FRY: variants seen among roughly 807,000 people sequenced by gnomAD.
The protein encoded by FRY is protein furry homolog.
A neutral mutation model predicts 348.4 loss-of-function variants in FRY; 128 were observed. That is an observed-to-expected ratio of 0.37 (90% CI 0.32 to 0.43). FRY has a LOEUF of 0.43. Among genes scored for constraint, FRY ranks in the 20% least tolerant of loss-of-function variants. The probability of loss-of-function intolerance (pLI) is 1.00; values close to 1 mark genes in which losing one functional copy is unlikely to be tolerated. For synonymous variants in FRY, 1,370 were observed against 1,374.7 expected, an observed-to-expected ratio of 1.00 and a Z score of 0.08; for missense variants, 2,736 against 3,695.2, an observed-to-expected ratio of 0.74 and a Z score of 6.73.
In FRY at chr13:32,295,571, C is replaced by T; in HGVS notation, c.*111C>T. 9.8e-7 allele frequency: 1 copy of T among 1,020,460 alleles called. No homozygotes were observed. The highest frequency in any genetic ancestry group is 1.5e-6 in the Non-Finnish European group (1 of 661,604). 63.2% of individuals were successfully genotyped at this position (1,020,460 alleles called of 1,614,324 possible). On this transcript the variant is annotated 3_prime_UTR_variant, in exon 61 of 61. Coordinates refer to ENST00000542859, the MANE Select transcript of FRY (RefSeq NM_023037.3). ...AAGGCTTGGACAGACTGTTCTCCCT[C>T]TTGTTACCTGTAGGGCTTTTTCTAA...
rs138436726 is a variant in FRY at position 32,243,023 on chromosome 13, T to G, written c.6688-1019T>G. Among the ~76,000 whole-genome samples, 314 of 152,328 alleles carry G rather than the reference T, an allele frequency of 2.1e-3. 1 individual carries two copies. Among genetic ancestry groups the G allele is most frequent in the African/African-American group, 7.3e-3 (303 of 41,574 alleles). Reference sequence around the variant, plus strand: ...TTATGATTATAAAAGCAGTATATATTCATAACAAAATTTGGAAGTTGCAGG... The same window carrying G: ...TTATGATTATAAAAGCAGTATATATGCATAACAAAATTTGGAAGTTGCAGG... On this transcript the variant is annotated intron_variant, in intron 46 of 60. Coordinates refer to ENST00000542859, the MANE Select transcript of FRY (RefSeq NM_023037.3).
rs192286593 is a variant in FRY, at chr13:32,246,096, C to T, written c.6829-1227C>T. Among the ~76,000 whole-genome samples the T allele has an allele frequency of 2.3e-3, 354 of 152,322 alleles. 2 individuals carry two copies. Among genetic ancestry groups the T allele is most frequent in the African/African-American group, 8.2e-3 (342 of 41,572 alleles). On this transcript the variant is annotated intron_variant, in intron 47 of 60. Coordinates refer to ENST00000542859, the MANE Select transcript of FRY (RefSeq NM_023037.3). Reference sequence around the variant, plus strand: ...CAGGTGGTCAGTTGACACCTTTCTACGAATGTGTGCCCCATTTTGTTGTTT... The same window carrying T: ...CAGGTGGTCAGTTGACACCTTTCTATGAATGTGTGCCCCATTTTGTTGTTT...
At chr13:32,117,258 T>C (rs1308625452) in intron 3 of FRY, 76 bp from the exon 4 acceptor site, 12 of 1,341,826 alleles carry the variant, frequency 8.9e-6, no homozygotes, top group Non-Finnish European at 1.3e-5. Flanking sequence ...GTGCTTGGGG[T>C]TACTTGTGAA....
intron 29 of FRY, among the ~76,000 whole-genome samples, chr13:32,201,214 T>G (rs1884006739): frequency 6.6e-6 from 1 of 152,260 alleles, no homozygotes; most frequent in Admixed American, 6.5e-5. Context: ...TTCAAAATGC[T>G]GTCCTCTCTA....
intron 54 of FRY, among the ~76,000 whole-genome samples, chr13:32,266,903 G>C (rs144186438): frequency 1.3e-5 from 2 of 152,194 alleles, no homozygotes; most frequent in African/African-American, 4.8e-5. Context: ...AGAATTGCTT[G>C]AACCCACGAG....
chr13:32,202,146 C>A, intron 30 of FRY, 106 bp downstream of exon 30: 1 of 839,712 alleles, frequency 1.2e-6, no homozygotes, highest in Non-Finnish European at 2.1e-6. Flanking sequence ...TTGTTTATTT[C>A]TGCATATCAT....
intron 2 of FRY, among the ~76,000 whole-genome samples, chr13:32,083,401 A>G (rs1224206130): frequency 6.6e-6 from 1 of 152,054 alleles, no homozygotes; most frequent in Non-Finnish European, 1.5e-5. Flanking sequence ...TTGTTCTGTT[A>G]TAACACTACT....
At chr13:32,082,887 A>G (rs1294761296) in intron 2 of FRY, among the ~76,000 whole-genome samples, 2 of 151,762 alleles carry the variant, frequency 1.3e-5, no homozygotes, top group Admixed American at 6.6e-5. Flanking sequence ...TGTCTTTGGT[A>G]TTCTGAAGTT....
intron 47 of FRY, among the ~76,000 whole-genome samples, chr13:32,246,530 GA>G (rs1258955313): frequency 1.3e-5 from 2 of 152,236 alleles, no homozygotes; most frequent in Non-Finnish European, 2.9e-5. Context: ...CAGCCTGGGG[GA>G]GATGACCCTT....
chr13:32,247,515 G>A lies in FRY; in HGVS notation c.7008+13G>A. Reference sequence around the variant, plus strand: ...CGATATTTCGGAGGTACTTAGCTATGTTAACTATTTCTGTGAACTTTAGCA... The same window carrying A: ...CGATATTTCGGAGGTACTTAGCTATATTAACTATTTCTGTGAACTTTAGCA... On this transcript the variant is annotated intron_variant, in intron 48 of 60. Transcript: ENST00000542859. 1 of 1,598,710 alleles carries A rather than the reference G, an allele frequency of 6.3e-7. No homozygotes were observed. The highest frequency in any genetic ancestry group is 8.6e-7 in the Non-Finnish European group (1 of 1,165,896).
At chr13:32,286,246 G>T (rs1889044126) in intron 58 of FRY, among the ~76,000 whole-genome samples, 1 of 152,026 alleles carries the variant, frequency 6.6e-6, no homozygotes, top group Admixed American at 6.5e-5. Context: ...GATACTTTTT[G>T]AAAGAGCTTT....
intron 31 of FRY, among the ~76,000 whole-genome samples, chr13:32,208,463 A>C (rs1482945617): frequency 6.6e-6 from 1 of 152,218 alleles, no homozygotes. Context: ...TGAGGAGCAG[A>C]GATGTTAAGT....
At position 32,220,366 on chromosome 13, in the gene FRY, A is replaced by T. The variant is rs570066820; in HGVS notation, c.4765+1535A>T. 7.7e-4 allele frequency among the ~76,000 whole-genome samples: 117 copies of T among 152,346 alleles called. 1 individual carries two copies. The highest frequency in any genetic ancestry group is 2.4e-3 in the African/African-American group (98 of 41,588). On this transcript the variant is annotated intron_variant, in intron 36 of 60. Coordinates refer to ENST00000542859, the MANE Select transcript of FRY (RefSeq NM_023037.3). Reference sequence around the variant, plus strand: ...ATCCATATGTAATTATCATGCTCTAATGTAGGTTAAGTTTCAGCTATGTCC... The same window carrying T: ...ATCCATATGTAATTATCATGCTCTATTGTAGGTTAAGTTTCAGCTATGTCC...
At chr13:32,252,203 T>A (rs906376800) in intron 50 of FRY, among the ~76,000 whole-genome samples, 2 of 151,760 alleles carry the variant, frequency 1.3e-5, no homozygotes, top group African/African-American at 2.4e-5. Context: ...TTCATTTTTT[T>A]AATTTATTGG....
At position 32,031,999 on chromosome 13, in the gene FRY, C is replaced by CTCTT. The variant is rs11272632; in HGVS notation, c.70+156_70+159dup. The stretch of plus-strand genomic sequence containing the variant: ...TTCTTTTTTTCTTTTCTTTTCTTTT[C>CTCTT]TCTTTCTTTCTTTCTTTCTTTCTTT... On this transcript the variant is annotated intron_variant, in intron 1 of 60. Transcript: ENST00000542859. 3,715 of 618,024 alleles carry CTCTT rather than the reference C, an allele frequency of 6.0e-3. 83 individuals carry two copies. The highest frequency in any genetic ancestry group is 0.053 in the African/African-American group (2,650 of 49,746). The allele number at this position is 618,024 out of a possible 1,614,324, so 38.3% of individuals were successfully genotyped here.
intron 2 of FRY, among the ~76,000 whole-genome samples, chr13:32,090,409 A>C (rs1876216051): frequency 6.6e-6 from 1 of 151,370 alleles, no homozygotes; most frequent in South Asian, 2.1e-4. Flanking sequence ...TGGTCAAGGA[A>C]GGCACTACGA....
chr13:32,124,819 T>C lies in FRY; in HGVS notation c.660T>C (p.Asn220=). The C allele has an allele frequency of 6.2e-7, 1 of 1,613,146 alleles. No homozygotes were observed. The highest frequency in any genetic ancestry group is 8.5e-7 in the Non-Finnish European group (1 of 1,179,046). The change falls in exon 7 of 61, where the codon AAT becomes AAC. Residue 220 remains asparagine (N), a synonymous_variant. Transcript: ENST00000542859. Reference sequence around the variant, plus strand: ...GGTACCTTGGTCCCAACACTGGCAATATGCATATTGTGGCAGACCTGTATG... The same window carrying C: ...GGTACCTTGGTCCCAACACTGGCAACATGCATATTGTGGCAGACCTGTATG... ...KEGYLGPNTG[N]MHIVADLYAE...
At chr13:32,079,076 G>C (rs1290628836) in intron 2 of FRY, 43 bp downstream of exon 2, 1 of 1,268,594 alleles carries the variant, frequency 7.9e-7, no homozygotes, top group Non-Finnish European at 1.2e-6. Context: ...AAATTCATCT[G>C]TATGCTGAAT....
intron 11 of FRY, among the ~76,000 whole-genome samples, chr13:32,145,496 G>A (rs1024466816): frequency 2.0e-5 from 3 of 148,186 alleles, no homozygotes; most frequent in Non-Finnish European, 4.4e-5. Context: ...CACAGATGAT[G>A]AAACCCACAC....
Sources: allele counts gnomAD v4.1 joint callset (sites outside exome capture counted in the v4.1 genomes callset), GRCh38; gene constraint gnomAD v4.1.1; transcripts MANE v1.5; gene names NCBI Gene and HGNC (gene_info 2026-07-23, HGNC 2026-07-21).